Variants in SLC2A13 observed in about 807,000 individuals in gnomAD.
SLC2A13 encodes proton myo-inositol cotransporter.
A neutral mutation model predicts 64.4 loss-of-function variants in SLC2A13; 32 were observed. The ratio of observed to expected loss-of-function variants is 0.50; its 90% CI spans 0.37 to 0.67. SLC2A13 has a LOEUF of 0.67. SLC2A13 is among the 30% of genes least tolerant of loss of function. SLC2A13 has a pLI of 0.00. For synonymous variants in SLC2A13, 338 were observed against 327.1 expected (o/e 1.03, Z -0.36); for missense variants, 743 against 829.2 (o/e 0.90, Z 1.28).
intron 4 of SLC2A13, among the ~76,000 whole-genome samples, chr12:39,934,213 T>G (rs1027598690): frequency 6.6e-6 from 1 of 152,198 alleles, no homozygotes; most frequent in African/African-American, 2.4e-5. Flanking sequence ...AAAATGAAAC[T>G]GAAGATTCTA....
At chr12:40,035,220 A>G (rs1365288351) in intron 2 of SLC2A13, among the ~76,000 whole-genome samples, 1 of 152,220 alleles carries the variant, frequency 6.6e-6, no homozygotes, top group African/African-American at 2.4e-5. Flanking sequence ...AGAAATGGTC[A>G]TCGTTATTGA....
intron 1 of SLC2A13, among the ~76,000 whole-genome samples, chr12:40,082,012 A>G (rs1333378727): frequency 6.6e-6 from 1 of 152,200 alleles, no homozygotes; most frequent in Admixed American, 6.5e-5. Flanking sequence ...CCAGGCCCAC[A>G]GCCTTTTTTC....
At chr12:39,962,695 T>TGCAAGGAAAAA (rs1946436156) in intron 3 of SLC2A13, among the ~76,000 whole-genome samples, 2 of 152,180 alleles carry the variant, frequency 1.3e-5, no homozygotes, top group Non-Finnish European at 2.9e-5. Context: ...CAATAGATAT[T>TGCAAGGAAAAA]ATATGCAAGG....
intron 4 of SLC2A13, among the ~76,000 whole-genome samples, chr12:39,923,668 GTATATA>G (rs72398744): frequency 2.8e-5 from 3 of 106,552 alleles, no homozygotes; most frequent in Admixed American, 1.0e-4. Context: ...GTGATTATAT[GTATATA>G]TATATATATA....
intron 1 of SLC2A13, among the ~76,000 whole-genome samples, chr12:40,102,579 T>C (rs1045455831): frequency 6.6e-6 from 1 of 152,180 alleles, no homozygotes; most frequent in Non-Finnish European, 1.5e-5. Context: ...AGGAAAGAAG[T>C]TCTTAGAGCA....
At chr12:40,076,719 C>A (rs1938191789) in intron 1 of SLC2A13, among the ~76,000 whole-genome samples, 1 of 152,148 alleles carries the variant, frequency 6.6e-6, no homozygotes, top group Admixed American at 6.6e-5. Context: ...ATTGAGAAAT[C>A]ACCACAATGC....
At chr12:40,047,187 C>T (rs529763084) in intron 2 of SLC2A13, among the ~76,000 whole-genome samples, 76 of 152,284 alleles carry the variant, frequency 5.0e-4, no homozygotes, top group Admixed American at 1.6e-3. Flanking sequence ...CAGGCGTGAG[C>T]CACCACACCC....
intron 1 of SLC2A13, among the ~76,000 whole-genome samples, chr12:40,069,559 C>T (rs761133280): frequency 1.1e-3 from 173 of 151,860 alleles, no homozygotes; most frequent in Non-Finnish European, 1.7e-3. Context: ...TCATTAGCAA[C>T]TGCTAAATTA....
At chr12:39,779,002 C>T (rs1163713752) in intron 7 of SLC2A13, among the ~76,000 whole-genome samples, 2 of 152,054 alleles carry the variant, frequency 1.3e-5, no homozygotes, top group African/African-American at 4.8e-5. Flanking sequence ...GGAGTCAGAA[C>T]CAGGACGTAG....
chr12:39,772,874 A>G (rs200459303), intron 7 of SLC2A13, among the ~76,000 whole-genome samples: 1 of 8,256 alleles, frequency 1.2e-4, no homozygotes, highest in African/African-American at 2.5e-4. Context: ...GTAGCTCCTC[A>G]TCATCCTCAT....
At chr12:39,964,282 A>G (rs770945892) in intron 3 of SLC2A13, among the ~76,000 whole-genome samples, 1 of 152,238 alleles carries the variant, frequency 6.6e-6, no homozygotes, top group Non-Finnish European at 1.5e-5. Context: ...TTGAATTTAC[A>G]TATTAAAAAA....
intron 6 of SLC2A13, among the ~76,000 whole-genome samples, chr12:39,849,485 G>T (rs533163180): frequency 1.3e-5 from 2 of 152,266 alleles, no homozygotes; most frequent in South Asian, 2.1e-4. Flanking sequence ...GCTTGTCAAG[G>T]TTGTTTTGCT....
intron 3 of SLC2A13, among the ~76,000 whole-genome samples, chr12:39,961,878 A>C (rs1449013831): frequency 6.7e-6 from 1 of 150,130 alleles, no homozygotes; most frequent in Non-Finnish European, 1.5e-5. Flanking sequence ...AGCTCACTGT[A>C]ACTTCAAAAC....
intron 3 of SLC2A13, among the ~76,000 whole-genome samples, chr12:40,004,838 A>G (rs898547965): frequency 6.6e-6 from 1 of 152,212 alleles, no homozygotes; most frequent in African/African-American, 2.4e-5. Flanking sequence ...TAAGCTAGAA[A>G]AAAGAAAAAG....
intron 7 of SLC2A13, among the ~76,000 whole-genome samples, chr12:39,819,282 C>T (rs1003929739): frequency 8.5e-5 from 13 of 152,130 alleles, no homozygotes; most frequent in African/African-American, 1.9e-4. Context: ...ATATTTTTAT[C>T]GTTTGGAGAA....
intron 3 of SLC2A13, among the ~76,000 whole-genome samples, chr12:39,994,829 A>G (rs1947200814): frequency 6.6e-6 from 1 of 152,246 alleles, no homozygotes; most frequent in South Asian, 2.1e-4. Context: ...AGGATGAGAT[A>G]GTGCATGTGC....
At chr12:39,775,633 C>T (rs1347446622) in intron 7 of SLC2A13, among the ~76,000 whole-genome samples, 1 of 152,178 alleles carries the variant, frequency 6.6e-6, no homozygotes, top group African/African-American at 2.4e-5. Flanking sequence ...TTCATAAAGT[C>T]TACCTGGAAA....
intron 3 of SLC2A13, among the ~76,000 whole-genome samples, chr12:40,025,837 T>A (rs1947795111): frequency 6.6e-6 from 1 of 152,220 alleles, no homozygotes; most frequent in Admixed American, 6.5e-5. Context: ...TTTTTATTAC[T>A]TTGAAGTTAG....
chr12:39,928,318 T>C (rs1945762119), intron 4 of SLC2A13, among the ~76,000 whole-genome samples: 1 of 152,170 alleles, frequency 6.6e-6, no homozygotes, highest in South Asian at 2.1e-4. Flanking sequence ...TTCTATAAAG[T>C]AAATCCTGTT....
Sources: allele counts gnomAD v4.1 joint callset (sites outside exome capture counted in the v4.1 genomes callset), GRCh38; gene constraint gnomAD v4.1.1; transcripts MANE v1.5; gene names NCBI Gene and HGNC (gene_info 2026-07-23, HGNC 2026-07-21).